Variants in HIVEP3 observed in about 807,000 individuals in gnomAD.
The protein encoded by HIVEP3 is transcription factor HIVEP3.
A neutral mutation model predicts 152.8 loss-of-function variants in HIVEP3; 49 were observed. That is an observed-to-expected ratio of 0.32 (90% CI 0.26 to 0.41). The LOEUF (loss-of-function observed/expected upper bound fraction) is 0.41. Among genes scored for constraint, HIVEP3 ranks in the 10% least tolerant of loss-of-function variants. The probability of loss-of-function intolerance (pLI) is 1.00; values close to 1 mark genes in which losing one functional copy is unlikely to be tolerated. For synonymous variants in HIVEP3, 1,269 were observed against 1,289.0 expected (o/e 0.98, Z 0.33); for missense variants, 2,790 against 3,103.3 (o/e 0.90, Z 2.40).
At chr1:41,785,597 G>A (rs1649300246) in intron 1 of HIVEP3, among the ~76,000 whole-genome samples, 1 of 152,152 alleles carries the variant, frequency 6.6e-6, no homozygotes, top group Non-Finnish European at 1.5e-5. Flanking sequence ...ATTTATTGGT[G>A]TGAGAAATTA....
At chr1:41,878,882 C>G (rs1644216313) in intron 1 of HIVEP3, among the ~76,000 whole-genome samples, 1 of 150,634 alleles carries the variant, frequency 6.6e-6, no homozygotes, top group Non-Finnish European at 1.5e-5. Flanking sequence ...CCCTCCCCTC[C>G]TTCCTTTTTT....
intron 5 of HIVEP3, among the ~76,000 whole-genome samples, chr1:41,552,258 G>A (rs1643901657): frequency 6.6e-6 from 1 of 151,690 alleles, no homozygotes; most frequent in African/African-American, 2.4e-5. Flanking sequence ...GGGTACATGT[G>A]CACAACGTGC....
chr1:41,587,241 T>TC (rs1348295983), intron 3 of HIVEP3, among the ~76,000 whole-genome samples: 25 of 152,170 alleles, frequency 1.6e-4, no homozygotes, highest in Non-Finnish European at 3.1e-4. Context: ...ATCCCTCTAG[T>TC]CATTGGATAT....
At position 41,625,162 on chromosome 1, in the gene HIVEP3, C is replaced by CA. The variant is rs59268661; in HGVS notation, c.-522+3586dup. Among the ~76,000 whole-genome samples, 510 of 71,260 alleles carry CA rather than the reference C, an allele frequency of 7.2e-3. 48 individuals carry two copies. Among genetic ancestry groups the CA allele is most frequent in the Non-Finnish European group, 9.6e-3 (383 of 39,884 alleles). 46.7% of individuals were successfully genotyped at this position (71,260 alleles called of 152,430 possible). Reference sequence around the variant, plus strand: ...TGGCTGACAGAGCGAGATTCCAACTCAAAAAAAAAAAAAAAAAAAAAAAAA... The same window carrying CA: ...TGGCTGACAGAGCGAGATTCCAACTCAAAAAAAAAAAAAAAAAAAAAAAAAA... On this transcript the variant is annotated intron_variant, in intron 3 of 8. Transcript: ENST00000372583.
intron 5 of HIVEP3, among the ~76,000 whole-genome samples, chr1:41,528,584 T>C (rs1569760576): frequency 1.5e-4 from 1 of 6,864 alleles, no homozygotes; most frequent in Non-Finnish European, 2.6e-4. Context: ...CACCCCACCC[T>C]CACACACCCC....
chr1:41,545,002 TCACCACCACCAC>T (rs1254706930), intron 5 of HIVEP3, among the ~76,000 whole-genome samples: 4 of 38,120 alleles, frequency 1.0e-4, no homozygotes, highest in Non-Finnish European at 1.5e-4. Context: ...ATCGCTACCA[TCACCACCACCAC>T]CACTACCACC....
chr1:41,851,452 G>A (rs1234489829), intron 1 of HIVEP3, among the ~76,000 whole-genome samples: 2 of 151,852 alleles, frequency 1.3e-5, no homozygotes, highest in Non-Finnish European at 2.9e-5. Flanking sequence ...ACAGGCACGT[G>A]CCACCACACC....
chr1:41,892,764 T>C (rs756588019), intron 1 of HIVEP3, among the ~76,000 whole-genome samples: 19 of 152,146 alleles, frequency 1.2e-4, no homozygotes, highest in South Asian at 2.1e-4. Flanking sequence ...ACCAGCCACA[T>C]AGCCTGGCCC....
chr1:41,544,976 T>TACCACCTCTACCACCACC (rs1643689094), intron 5 of HIVEP3, among the ~76,000 whole-genome samples: 1 of 3,542 alleles, frequency 2.8e-4, no homozygotes, highest in Non-Finnish European at 5.1e-4. Context: ...CCACCACCAC[T>TACCACCTCTACCACCACC]ATCACCGCCA....
chr1:41,827,996 TG>T (rs1642852890), intron 1 of HIVEP3, among the ~76,000 whole-genome samples: 1 of 152,186 alleles, frequency 6.6e-6, no homozygotes, highest in Non-Finnish European at 1.5e-5. Context: ...GACAGCTCTC[TG>T]GCTTCTTCAC....
chr1:41,644,188 C>A (rs1286702600), intron 2 of HIVEP3, among the ~76,000 whole-genome samples: 5 of 152,038 alleles, frequency 3.3e-5, no homozygotes, highest in Admixed American at 6.6e-5. Context: ...GCCTGGCAAA[C>A]CTTCCTATCC....
chr1:41,913,119 A>G (rs1644821818), intron 1 of HIVEP3, among the ~76,000 whole-genome samples: 1 of 152,252 alleles, frequency 6.6e-6, no homozygotes. Flanking sequence ...TCTGGAGGTG[A>G]AAGAAACTTA....
At chr1:41,912,492 C>T (rs1292768640) in intron 1 of HIVEP3, among the ~76,000 whole-genome samples, 1 of 152,140 alleles carries the variant, frequency 6.6e-6, no homozygotes, top group African/African-American at 2.4e-5. Flanking sequence ...TGCTCTTAAA[C>T]CCACTTAAAA....
At chr1:41,796,222 G>C (rs958539784) in intron 1 of HIVEP3, among the ~76,000 whole-genome samples, 1 of 152,202 alleles carries the variant, frequency 6.6e-6, no homozygotes, top group South Asian at 2.1e-4. Flanking sequence ...TCTGAATACT[G>C]TCTGGAATCT....
In HIVEP3 at chr1:41,584,391, G is replaced by C. The variant is rs1296958044; in HGVS notation, c.407C>G (p.Pro136Arg). 61 of 1,613,816 alleles carry C rather than the reference G, an allele frequency of 3.8e-5. No homozygotes were observed. Among genetic ancestry groups the C allele is most frequent in the Non-Finnish European group, 5.2e-5 (61 of 1,179,908 alleles). Residue 136 changes from proline to arginine, a missense_variant, in exon 4 of 9, where the codon CCT becomes CGT. Transcript: ENST00000372583. The surrounding 1 kb of genome is among the most constrained non-coding windows in gnomAD (Gnocchi z 5.2). ...GAGCTGGCTCTGAGGATGGAGCCCA[G>C]GGGCCACGAAGGAGCCAGAGGGTCC... ...RPGPSGSFVA[P>R]GLHPQSQLLP... is the part of the protein sequence containing the mutation.
At chr1:41,993,987 C>T (rs1252023226) in intron 1 of HIVEP3, among the ~76,000 whole-genome samples, 1 of 115,962 alleles carries the variant, frequency 8.6e-6, no homozygotes, top group African/African-American at 3.5e-5. Context: ...ACATCACACT[C>T]TGGGGACTGT....
chr1:41,515,725 G>A lies in HIVEP3; in HGVS notation c.5471-1975C>T, dbSNP rs1642586452. 4.6e-5 allele frequency among the ~76,000 whole-genome samples: 7 copies of A among 152,210 alleles called. No individual in the cohort carries two copies. The South Asian group carries it at 1.0e-3, about 23-fold the overall frequency. Reference sequence around the variant, plus strand: ...CAGCACTACCACTTCCTTGCTGTGTGACGTTGGATACTTTACTTTCTGTGT... The same window carrying A: ...CAGCACTACCACTTCCTTGCTGTGTAACGTTGGATACTTTACTTTCTGTGT... On this transcript the variant is annotated intron_variant, in intron 7 of 8. Coordinates refer to ENST00000372583, the MANE Select transcript of HIVEP3 (RefSeq NM_024503.5).
chr1:41,876,123 T>C (rs1412892508), intron 1 of HIVEP3, among the ~76,000 whole-genome samples: 1 of 151,686 alleles, frequency 6.6e-6, no homozygotes, highest in Non-Finnish European at 1.5e-5. Context: ...TAAGTTTTTT[T>C]TTTTTTTCTT....
chr1:41,709,808 T>C (rs1646486859), intron 1 of HIVEP3, among the ~76,000 whole-genome samples: 1 of 152,146 alleles, frequency 6.6e-6, no homozygotes, highest in Non-Finnish European at 1.5e-5. Flanking sequence ...CTGCCATCCA[T>C]AGGAATGCCA....
Sources: gnomAD v4.1 joint callset for allele counts (sites outside exome capture counted in the v4.1 genomes callset) on GRCh38, gnomAD v4.1.1 for gene constraint, Gnocchi (gnomAD v3.1) non-coding constraint, MANE v1.5 for transcripts, NCBI Gene and HGNC (gene_info 2026-07-23, HGNC 2026-07-21) for gene names.